RRBP1: variants seen among roughly 807,000 people sequenced by gnomAD.
RRBP1 encodes ribosome-binding protein 1.
A neutral mutation model predicts 165.2 loss-of-function variants in RRBP1; 94 were observed. The ratio of observed to expected loss-of-function variants is 0.57; its 90% CI spans 0.48 to 0.68. The LOEUF (loss-of-function observed/expected upper bound fraction) is 0.68. Ranked by LOEUF, RRBP1 falls within the 30% of genes least tolerant of loss-of-function variation. The pLI, the probability that RRBP1 is intolerant of heterozygous loss-of-function variation, is 0.00. For synonymous variants in RRBP1, 680 were observed against 714.5 expected (o/e 0.95, Z 0.77); for missense variants, 1,676 against 1,763.0 (o/e 0.95, Z 0.88).
intron 18 of RRBP1, 30 bp downstream of exon 18, chr20:17,620,269 G>A: frequency 1.3e-6 from 2 of 1,560,628 alleles, no homozygotes; most frequent in Non-Finnish European, 8.8e-7. Context: ...CCCGGGACAA[G>A]AGAAAGAGTT....
chr20:17,679,038 G>A (rs1202701269), intron 2 of RRBP1, among the ~76,000 whole-genome samples: 2 of 152,214 alleles, frequency 1.3e-5, no homozygotes, highest in Non-Finnish European at 2.9e-5. Flanking sequence ...ATATAGCCAG[G>A]AGGGAACATT....
chr20:17,676,442 A>G (rs2037083960), intron 2 of RRBP1, among the ~76,000 whole-genome samples: 1 of 152,142 alleles, frequency 6.6e-6, no homozygotes, highest in Non-Finnish European at 1.5e-5. Context: ...AGGGAGGAGA[A>G]GTCATGTCCA....
At chr20:17,628,794 TGGAGCAGGGGCCGGGAAGCTG>T (rs1365949925) in intron 9 of RRBP1, among the ~76,000 whole-genome samples, 4 of 152,258 alleles carry the variant, frequency 2.6e-5, no homozygotes, top group African/African-American at 9.6e-5. Context: ...CCCAGCCCTC[TGGAGCAGGGGCCGGGAAGCTG>T]GGGCCGTGCC....
At position 17,615,457 on chromosome 20, in the gene RRBP1, C is replaced by T; in HGVS notation, c.4024G>A (p.Glu1342Lys). 3 of 1,611,180 alleles carry T rather than the reference C, an allele frequency of 1.9e-6. No individual in the cohort carries two copies. The highest frequency in any genetic ancestry group is 2.5e-6 in the Non-Finnish European group (3 of 1,178,816). ...TTCAGCTGTGAGGCCTCCTCTGTTT[C>T]TGAAGACTCTAGGGGGCCGGCTGTG... The part of the protein sequence containing the change: ...LRTAGPLESS[E>K]TEEASQLKER... Residue 1342 changes from glutamate (E) to lysine (K), a missense_variant, in exon 23 of 25, where the codon GAA (glutamate) becomes AAA (lysine). Coordinates refer to ENST00000377813, the MANE Select transcript of RRBP1 (RefSeq NM_001365613.2).
Position 17,629,917 on chromosome 20 carries a change from G to T in RRBP1, c.2655C>A (p.Asp885Glu). Residue 885 changes from aspartate to glutamate, a missense_variant, in exon 9 of 25, where the codon GAC (aspartate) becomes GAA (glutamate). Coordinates refer to ENST00000377813, the MANE Select transcript of RRBP1 (RefSeq NM_001365613.2). The part of the protein sequence containing the change: ...ESEEALQKRL[D>E]EVSRELCHTQ... ...TGTGGCACAGCTCCCGGCTGACCTC[G>T]TCCAGGCGCTTCTGCAGGGCCTCCT... 6.3e-7 allele frequency: 1 copy of T among 1,599,992 alleles called. No individual in the cohort carries two copies. The highest frequency in any genetic ancestry group is 8.5e-7 in the Non-Finnish European group (1 of 1,179,288).
intron 13 of RRBP1, among the ~76,000 whole-genome samples, chr20:17,622,410 G>A (rs949167454): frequency 3.3e-5 from 5 of 152,126 alleles, no homozygotes; most frequent in African/African-American, 9.7e-5. Flanking sequence ...GGATGGGGGT[G>A]AAGGCAGGGA....
At chr20:17,615,620 G>C (rs962841149) in intron 22 of RRBP1, 91 bp from the exon 23 acceptor site, 13 of 980,884 alleles carry the variant, frequency 1.3e-5, no homozygotes, top group South Asian at 7.4e-5. Context: ...GGACCAGGGG[G>C]CCCCCCCAGC....
At chr20:17,635,904 T>A (rs879836360) in intron 6 of RRBP1, among the ~76,000 whole-genome samples, 3 of 152,234 alleles carry the variant, frequency 2.0e-5, no homozygotes, top group African/African-American at 4.8e-5. Context: ...GCTCATGGCC[T>A]GCCCAAGGCT....
chr20:17,626,320 C>A (rs1357609874), intron 11 of RRBP1, among the ~76,000 whole-genome samples: 1 of 152,222 alleles, frequency 6.6e-6, no homozygotes, highest in Non-Finnish European at 1.5e-5. Flanking sequence ...TCTACCCCAA[C>A]AAACACCACC....
chr20:17,664,702 T>C (rs1388307078), intron 2 of RRBP1, among the ~76,000 whole-genome samples: 7 of 152,244 alleles, frequency 4.6e-5, no homozygotes, highest in African/African-American at 7.2e-5. Context: ...GCTGGGATTT[T>C]GGTAGGTTTT....
At position 17,614,115 on chromosome 20, in the gene RRBP1, T is replaced by A. The variant is rs185103954; in HGVS notation, c.*67A>T. The A allele has an allele frequency of 1.2e-4, 178 of 1,531,260 alleles. No homozygotes were observed. The highest frequency in any genetic ancestry group is 1.4e-4 in the Non-Finnish European group (159 of 1,104,914). The allele number at this position is 1,531,260 out of a possible 1,614,324, so 94.9% of individuals were successfully genotyped here. On this transcript the variant is annotated 3_prime_UTR_variant, in exon 25 of 25. Coordinates refer to ENST00000377813, the MANE Select transcript of RRBP1 (RefSeq NM_001365613.2). Reference sequence around the variant, plus strand: ...ATAACGCTGTGTAGGTTGGTTGGTTTATTTGTAAGGAATGTGTAAGGCATT... The same window carrying A: ...ATAACGCTGTGTAGGTTGGTTGGTTAATTTGTAAGGAATGTGTAAGGCATT...
Position 17,633,534 on chromosome 20 carries a change from G to A in RRBP1, c.2536C>T (p.Arg846Trp), listed in dbSNP as rs143879938. 1.8e-4 allele frequency: 291 copies of A among 1,614,036 alleles called. No homozygotes were observed. The highest frequency in any genetic ancestry group is 2.3e-4 in the Non-Finnish European group (270 of 1,180,030). Residue 846 changes from arginine (R) to tryptophan (W), a missense_variant, in exon 8 of 25, where the codon CGG becomes TGG. Physicochemically the swap from Arg to Trp is moderately radical, Grantham distance 101 (BLOSUM62 -3). Around this residue, in one of 5 missense-constraint regions of RRBP1, gnomAD observed 1,184 missense variants for 1,167.1 expected, o/e 1.01. Coordinates refer to ENST00000377813, the MANE Select transcript of RRBP1 (RefSeq NM_001365613.2). ...KELVEKSEAV[R>W]QDEQQRKALE... The stretch of plus-strand genomic sequence containing the variant: ...GCTTTCCGCTGCTGCTCATCTTGCC[G>A]CACAGCCTCTGACTTCTCCACCAGC...
At chr20:17,681,273 G>A (rs1188113390) in intron 1 of RRBP1, among the ~76,000 whole-genome samples, 1 of 148,388 alleles carries the variant, frequency 6.7e-6, no homozygotes, top group Non-Finnish European at 1.5e-5. Context: ...GCGCAGCCCA[G>A]CCGGGGAAAC....
intron 3 of RRBP1, among the ~76,000 whole-genome samples, chr20:17,652,659 T>C (rs981014945): frequency 1.3e-5 from 2 of 152,112 alleles, no homozygotes; most frequent in African/African-American, 4.8e-5. Context: ...TGGGCACACA[T>C]GACCCCCAGA....
chr20:17,638,327 G>A (rs867856509), intron 5 of RRBP1, among the ~76,000 whole-genome samples: 1 of 152,224 alleles, frequency 6.6e-6, no homozygotes, highest in Non-Finnish European at 1.5e-5. Flanking sequence ...AGCTCATGGA[G>A]ACCAGGCATT....
chr20:17,644,674 C>T (rs150910836), intron 3 of RRBP1, among the ~76,000 whole-genome samples: 5 of 152,326 alleles, frequency 3.3e-5, no homozygotes, highest in Admixed American at 6.5e-5. Flanking sequence ...AAGCGTCCTG[C>T]GCCGTCCGAT....
intron 9 of RRBP1, among the ~76,000 whole-genome samples, chr20:17,628,378 C>T (rs1007050805): frequency 9.2e-5 from 14 of 152,334 alleles, no homozygotes; most frequent in African/African-American, 1.4e-4. Context: ...CCCACACCCG[C>T]CATCTGTCAA....
intron 5 of RRBP1, 198 bp downstream of exon 5, chr20:17,641,599 G>C: frequency 1.6e-6 from 1 of 644,038 alleles, no homozygotes; most frequent in Admixed American, 2.7e-5. Flanking sequence ...GTAGAGCCAC[G>C]AGCACTGCCA....
chr20:17,680,100 T>C (rs2037151815), intron 1 of RRBP1, 25 bp from the exon 2 acceptor site: 1 of 152,154 alleles, frequency 6.6e-6, no homozygotes, highest in Non-Finnish European at 1.5e-5. Flanking sequence ...GGTTGGCATA[T>C]GATAGTGGGA....
Sources: gnomAD v4.1 joint callset for allele counts (sites outside exome capture counted in the v4.1 genomes callset) on GRCh38, gnomAD v4.1.1 for gene constraint, gnomAD v4.1.1 regional missense constraint, MANE v1.5 for transcripts, NCBI Gene and HGNC (gene_info 2026-07-23, HGNC 2026-07-21) for gene names.